The following MCF2L variants were observed in gnomAD, a reference collection of about 807,000 sequenced individuals.
MCF2L encodes the protein MCF.2 cell line derived transforming sequence like.
In MCF2L, 97 loss-of-function variants were observed where a neutral mutation model predicts 153.4. The ratio of observed to expected loss-of-function variants is 0.63; its 90% confidence interval spans 0.54 to 0.75. The LOEUF (loss-of-function observed/expected upper bound fraction) is 0.75. Ranked by LOEUF, MCF2L falls within the 30% of genes least tolerant of loss-of-function variation. The pLI, the probability that MCF2L is intolerant of heterozygous loss-of-function variation, is 0.00. For missense variants in MCF2L, 1,347 were observed against 1,495.2 expected (o/e 0.90, Z 1.64); for synonymous variants, 659 against 632.2 (o/e 1.04, Z -0.64).
intron 26 of MCF2L, chr13:113,093,605 C>T (rs774979034): frequency 4.6e-5 from 7 of 152,306 alleles, no homozygotes; most frequent in East Asian, 1.9e-4. Flanking sequence ...CACCCTCCAT[C>T]GCAAGGAAAC....
chr13:113,013,243 T>G (rs1444160398), intron 1 of MCF2L, among the ~76,000 whole-genome samples: 4 of 152,198 alleles, frequency 2.6e-5, no homozygotes, highest in African/African-American at 7.2e-5. Flanking sequence ...GATTGACTGT[T>G]TCTGTCTTTC....
At chr13:112,968,451 G>A (rs371980379), upstream of MCF2L, 17 of 1,588,546 alleles carry the variant, frequency 1.1e-5, no homozygotes, top group Non-Finnish European at 1.3e-5. Context: ...GCACAGTGTG[G>A]CTTGGTGCCA....
chr13:113,086,250 G>T lies in MCF2L; in HGVS notation c.2373+1G>T, dbSNP rs1275327275. 1.9e-6 allele frequency: 3 copies of T among 1,608,302 alleles called. No individual in the cohort carries two copies. Among genetic ancestry groups the T allele is most frequent in the Non-Finnish European group, 2.5e-6 (3 of 1,177,860 alleles). On this transcript the variant is annotated splice_donor_variant, in intron 21 of 29. Coordinates refer to ENST00000535094, the MANE Select transcript of MCF2L (RefSeq NM_001112732.3). LOFTEE classifies it high-confidence loss of function. ...CCTCATCGCTATCACCGGCTATGACGTAAGGCGCCCAGATGCCCGGTCTTC... is the reference window on the plus strand; with the variant it reads ...CCTCATCGCTATCACCGGCTATGACTTAAGGCGCCCAGATGCCCGGTCTTC...
At chr13:113,026,012 G>C (rs868233063) in intron 3 of MCF2L, among the ~76,000 whole-genome samples, 4 of 70,976 alleles carry the variant, frequency 5.6e-5, no homozygotes, top group Non-Finnish European at 8.6e-5. Context: ...GTTTCATCAT[G>C]GTGGGGTCCC....
At chr13:113,096,339 C>T (rs1425644454) in intron 27 of MCF2L, 32 bp from the exon 28 acceptor site, 3 of 1,491,206 alleles carry the variant, frequency 2.0e-6, no homozygotes, top group East Asian at 4.9e-5. Flanking sequence ...CGGGTGCTGA[C>T]GCTGTCTGTG....
intron 2 of MCF2L, chr13:112,917,357 C>G: frequency 2.8e-6 from 1 of 356,052 alleles, no homozygotes; most frequent in South Asian, 2.1e-5. Flanking sequence ...TGTGTTTTCA[C>G]TCATGCCCGT....
intron 1 of MCF2L, 50 bp from the exon 2 acceptor site, chr13:113,014,713 G>A (rs1268662626): frequency 6.5e-6 from 10 of 1,533,160 alleles, no homozygotes; most frequent in Non-Finnish European, 9.0e-6. Context: ...CGCTTGCAGG[G>A]TGAGGCAGCT....
intron 2 of MCF2L, among the ~76,000 whole-genome samples, chr13:112,953,714 C>G (rs2081722461): frequency 6.6e-6 from 1 of 152,230 alleles, no homozygotes; most frequent in Admixed American, 6.5e-5. Flanking sequence ...TGAGGCCAGG[C>G]CTGCCTTGGT....
intron 1 of MCF2L, among the ~76,000 whole-genome samples, chr13:112,901,581 C>T (rs555669744): frequency 1.4e-3 from 211 of 152,290 alleles, no homozygotes; most frequent in African/African-American, 4.9e-3. Flanking sequence ...CAGGTCACCG[C>T]CTGGGAGGGG....
At chr13:113,059,670 CA>C (rs2031042532) in intron 4 of MCF2L, among the ~76,000 whole-genome samples, 2 of 152,174 alleles carry the variant, frequency 1.3e-5, no homozygotes, top group African/African-American at 4.8e-5. Context: ...CGCCTTGGTC[CA>C]TTTCATCTTC....
rs2082403264 is a variant in MCF2L at position 112,981,057 on chromosome 13, TG to T, written c.79+11600del. Among the ~76,000 whole-genome samples the T allele has an allele frequency of 2.7e-5, 4 of 148,310 alleles. No homozygotes were observed. In the South Asian group the frequency reaches 8.7e-4, roughly 32 times the overall value. On this transcript the variant is annotated intron_variant, in intron 1 of 29. Coordinates refer to ENST00000535094, the MANE Select transcript of MCF2L (RefSeq NM_001112732.3). ...TCCCTTTCCTGTGCACTGGGGACCC[TG>T]ACATGTCCCCTTCCTGTGCACTGGG...
At chr13:113,066,270 C>G in intron 8 of MCF2L, 100 bp downstream of exon 8, 2 of 1,397,280 alleles carry the variant, frequency 1.4e-6, no homozygotes, top group Non-Finnish European at 1.9e-6. Context: ...ACGGAAATAG[C>G]AAGCAGCGTG....
At chr13:112,964,848 T>C (rs2081874013), upstream of MCF2L, 1 of 152,234 alleles carries the variant, frequency 6.6e-6, no homozygotes, top group Non-Finnish European at 1.5e-5. Context: ...TGTTAAAGTA[T>C]ATTTTATTTT....
intron 3 of MCF2L, among the ~76,000 whole-genome samples, chr13:113,041,797 G>A (rs181525201): frequency 1.7e-4 from 26 of 152,318 alleles, no homozygotes; most frequent in African/African-American, 6.3e-4. Context: ...CGCAGGGCAG[G>A]AGGCTGAGTG....
intron 2 of MCF2L, among the ~76,000 whole-genome samples, chr13:112,914,319 C>T (rs1177021722): frequency 2.0e-5 from 3 of 152,232 alleles, no homozygotes; most frequent in Admixed American, 6.5e-5. Context: ...CTTCTCCCCT[C>T]GCTCTGTCTT....
upstream of MCF2L, among the ~76,000 whole-genome samples, chr13:112,968,142 TGG>T (rs757286592): frequency 1.7e-5 from 1 of 59,448 alleles, no homozygotes; most frequent in African/African-American, 5.0e-5. Context: ...GGGAGTGAGG[TGG>T]GGGGGGGGGT....
chr13:112,916,042 CA>C (rs68161667), intron 2 of MCF2L, among the ~76,000 whole-genome samples: 2,582 of 130,378 alleles, frequency 0.02, 55 homozygotes, highest in African/African-American at 0.06. Context: ...ACTAAAAATA[CA>C]AAAAAAAAAA....
chr13:113,094,490 C>T, intron 26 of MCF2L, 24 bp from the exon 27 acceptor site: 1 of 1,600,312 alleles, frequency 6.2e-7, no homozygotes, highest in Non-Finnish European at 8.5e-7. Flanking sequence ...CGGGGGGTCC[C>T]TCACGGGTGT....
At chr13:113,094,408 G>A (rs1399393772) in intron 26 of MCF2L, 106 bp from the exon 27 acceptor site, 14 of 1,225,972 alleles carry the variant, frequency 1.1e-5, no homozygotes, top group Admixed American at 5.7e-5. Flanking sequence ...GGGGGCCCAC[G>A]GCACACATTT....
Sources: gnomAD v4.1 joint callset for allele counts (sites outside exome capture counted in the v4.1 genomes callset) on GRCh38, gnomAD v4.1.1 for gene constraint, MANE v1.5 for transcripts, NCBI Gene and HGNC (gene_info 2026-07-23, HGNC 2026-07-21) for gene names.